Variants in KIF18A observed in about 807,000 individuals in gnomAD.
The protein encoded by KIF18A is kinesin family member 18A.
A neutral mutation model predicts 103.3 loss-of-function variants in KIF18A; 67 were observed. That is an observed-to-expected ratio of 0.65 (90% confidence interval 0.53 to 0.79). KIF18A has a LOEUF of 0.79. Among genes scored for constraint, KIF18A ranks in the 30% least tolerant of loss-of-function variants. The pLI, the probability that KIF18A is intolerant of heterozygous loss-of-function variation, is 0.00. For missense variants in KIF18A, 1,032 were observed against 1,062.5 expected (o/e 0.97, Z 0.40); for synonymous variants, 367 against 355.5 (o/e 1.03, Z -0.36).
At position 28,091,419 on chromosome 11, in the gene KIF18A, G is replaced by C. The variant is rs1326374166; in HGVS notation, c.578C>G (p.Thr193Ser). The C allele has an allele frequency of 1.3e-6, 2 of 1,583,226 alleles. No individual in the cohort carries two copies. Among genetic ancestry groups the C allele is most frequent in the African/African-American group, 1.4e-5 (1 of 74,068 alleles). ...TQKGVVVHGL[T>S]LHQPKSSEEI... ...TGTTTATATACATACCTGGTGTAAA[G>C]TAAGTCCATGAACGACCACCCCTTT... The change falls in exon 4 of 17, where the codon ACT (threonine) becomes AGT (serine). Residue 193 changes from threonine to serine, a missense_variant. By Grantham distance (58) the Thr-to-Ser change is moderately conservative. Coordinates refer to ENST00000263181, the MANE Select transcript of KIF18A (RefSeq NM_031217.4).
intron 13 of KIF18A, among the ~76,000 whole-genome samples, chr11:28,044,891 C>T (rs1850611263): frequency 6.6e-6 from 1 of 151,584 alleles, no homozygotes; most frequent in Non-Finnish European, 1.5e-5. Context: ...AAAACCACAG[C>T]TAAAAATAAA....
intron 11 of KIF18A, among the ~76,000 whole-genome samples, chr11:28,067,900 T>C (rs976801320): frequency 2.8e-4 from 43 of 152,200 alleles, no homozygotes; most frequent in African/African-American, 9.9e-4. Context: ...TTAAGAGATC[T>C]CCAATCCCAT....
At chr11:28,104,189 A>G (rs895882414) in intron 1 of KIF18A, among the ~76,000 whole-genome samples, 3 of 152,172 alleles carry the variant, frequency 2.0e-5, no homozygotes, top group Non-Finnish European at 4.4e-5. Context: ...ATGCACTGAT[A>G]CTTTCTTCAA....
intron 5 of KIF18A, among the ~76,000 whole-genome samples, chr11:28,090,003 G>A (rs1475961293): frequency 6.6e-6 from 1 of 152,088 alleles, no homozygotes; most frequent in Non-Finnish European, 1.5e-5. Flanking sequence ...TGGTTTGATT[G>A]CCTTCAATAT....
At chr11:28,098,060 T>C (rs1202574869) in intron 1 of KIF18A, 67 bp from the exon 2 acceptor site, 1 of 772,482 alleles carries the variant, frequency 1.3e-6, no homozygotes, top group East Asian at 2.7e-5. Context: ...AACTGGCATG[T>C]AGTATTCATT....
At chr11:28,024,610 C>T (rs1359933126) in intron 15 of KIF18A, among the ~76,000 whole-genome samples, 1 of 151,936 alleles carries the variant, frequency 6.6e-6, no homozygotes, top group Non-Finnish European at 1.5e-5. Flanking sequence ...AATATAGTGC[C>T]AAGGTTTCCA....
chr11:28,034,381 C>T (rs373808747), intron 15 of KIF18A, among the ~76,000 whole-genome samples: 1 of 151,710 alleles, frequency 6.6e-6, no homozygotes, highest in Non-Finnish European at 1.5e-5. Context: ...TTAAGTTGGT[C>T]TAAGGTCTGT....
At chr11:28,088,374 C>T (rs868702261) in intron 6 of KIF18A, 150 bp downstream of exon 6, 1 of 592,342 alleles carries the variant, frequency 1.7e-6, no homozygotes, top group South Asian at 2.7e-5. Flanking sequence ...ACTAGGTTTT[C>T]TGAGGTCTTT....
chr11:28,041,405 T>C (rs1039085885), intron 13 of KIF18A, among the ~76,000 whole-genome samples: 3 of 151,608 alleles, frequency 2.0e-5, no homozygotes, highest in African/African-American at 7.3e-5. Context: ...AAAAATAGCA[T>C]GTGCAGAGAT....
Position 28,084,887 on chromosome 11 carries a change from G to C in KIF18A, c.898-79C>G, listed in dbSNP as rs146711050. 1,580 of 1,097,158 alleles carry C rather than the reference G, an allele frequency of 1.4e-3. 12 individuals are homozygous for C. In the African/African-American group the frequency reaches 0.015, roughly 10 times the overall value. The allele number at this position is 1,097,158 out of a possible 1,614,324, so 68.0% of individuals were successfully genotyped here. On this transcript the variant is annotated intron_variant, in intron 6 of 16. Transcript: ENST00000263181. Reference sequence around the variant, plus strand: ...TGCTACCACTTTAGCACTTCACTGTGGGGGGAGGATTACCTAGGTGCCGAG... The same window carrying C: ...TGCTACCACTTTAGCACTTCACTGTCGGGGGAGGATTACCTAGGTGCCGAG...
intron 13 of KIF18A, among the ~76,000 whole-genome samples, chr11:28,054,204 C>G (rs1017913612): frequency 6.6e-5 from 10 of 151,650 alleles, no homozygotes; most frequent in African/African-American, 2.4e-4. Context: ...TATAGTTAAT[C>G]TCATCAGATT....
chr11:28,060,017 G>C (rs1445035337), intron 12 of KIF18A, among the ~76,000 whole-genome samples: 1 of 152,098 alleles, frequency 6.6e-6, no homozygotes, highest in Non-Finnish European at 1.5e-5. Context: ...GATAAGGATG[G>C]GGAGTATAAA....
Position 28,097,915 on chromosome 11 carries a change from A to G in KIF18A, c.33T>C (p.His11=). 1.3e-6 allele frequency: 2 copies of G among 1,596,246 alleles called. No individual in the cohort carries two copies. The highest frequency in any genetic ancestry group is 1.2e-5 in the South Asian group (1 of 86,948). Residue 11 remains histidine (H), a synonymous_variant, in exon 2 of 17, where the codon CAT becomes CAC. Transcript: ENST00000263181. MSVTEEDLCH[H]MKVVVRVRPE... ...GACGTACACGAACTACTACTTTCAT[A>G]TGGTGGCACAGGTCTTCCTCAGTGA...
chr11:28,046,306 A>T (rs1329234015), intron 13 of KIF18A, among the ~76,000 whole-genome samples: 3 of 149,694 alleles, frequency 2.0e-5, no homozygotes, highest in African/African-American at 4.9e-5. Context: ...CAAATGTCCA[A>T]CAATGATAGA....
intron 15 of KIF18A, among the ~76,000 whole-genome samples, chr11:28,032,458 C>G (rs1486008132): frequency 6.6e-6 from 1 of 151,890 alleles, no homozygotes; most frequent in Non-Finnish European, 1.5e-5. Flanking sequence ...CATTACCTGA[C>G]TTCAAATTAC....
intron 5 of KIF18A, among the ~76,000 whole-genome samples, chr11:28,090,017 T>C (rs568042053): frequency 6.6e-6 from 1 of 152,318 alleles, no homozygotes; most frequent in South Asian, 2.1e-4. Flanking sequence ...TCAATATCAA[T>C]TCTTTCAACT....
chr11:28,062,413 T>C lies in KIF18A; in HGVS notation c.1694A>G (p.Gln565Arg), dbSNP rs768604310. Residue 565 changes from glutamine to arginine, a missense_variant, in exon 12 of 17, where the codon CAA becomes CGA. Gln to Arg is a conservative substitution (Grantham distance 43). Coordinates refer to ENST00000263181, the MANE Select transcript of KIF18A (RefSeq NM_031217.4). ...MMDLACLQEQ[Q>R]HRQTEAVLNA... Reference sequence around the variant, plus strand: ...TACTCACGCTTCAGTCTGCCTGTGTTGCTGTTCCTGAAGACAAGCTAGATC... The same window carrying C: ...TACTCACGCTTCAGTCTGCCTGTGTCGCTGTTCCTGAAGACAAGCTAGATC... 1.2e-6 allele frequency: 2 copies of C among 1,611,006 alleles called. No homozygotes were observed. The highest frequency in any genetic ancestry group is 1.7e-6 in the Non-Finnish European group (2 of 1,178,246).
At chr11:28,093,750 G>A (rs949742523) in intron 3 of KIF18A, among the ~76,000 whole-genome samples, 3 of 152,054 alleles carry the variant, frequency 2.0e-5, no homozygotes, top group African/African-American at 7.2e-5. Context: ...AGTCAATAAA[G>A]AAATGTACAA....
At chr11:28,103,495 G>T (rs1304077465) in intron 1 of KIF18A, among the ~76,000 whole-genome samples, 1 of 151,906 alleles carries the variant, frequency 6.6e-6, no homozygotes, top group East Asian at 1.9e-4. Flanking sequence ...AAACAAAAGG[G>T]TTAGATTATA....
Sources: gnomAD v4.1 joint callset for allele counts (sites outside exome capture counted in the v4.1 genomes callset) on GRCh38, gnomAD v4.1.1 for gene constraint, MANE v1.5 for transcripts, NCBI Gene and HGNC (gene_info 2026-07-23, HGNC 2026-07-21) for gene names.